CCSER1: variants seen among roughly 807,000 people sequenced by gnomAD.
CCSER1 encodes the protein serine-rich coiled-coil domain-containing protein 1.
CCSER1 carries 41 observed loss-of-function variants against 82.0 expected under a neutral mutation model. That is an observed-to-expected ratio of 0.50 (90% confidence interval 0.39 to 0.65). CCSER1 has a LOEUF of 0.65. Ranked by LOEUF, CCSER1 falls within the 30% of genes least tolerant of loss-of-function variation. The pLI is 0.00. For synonymous variants in CCSER1, 414 were observed against 383.9 expected, an observed-to-expected ratio of 1.08 and a Z score of -0.92; for missense variants, 1,119 against 1,064.2, an observed-to-expected ratio of 1.05 and a Z score of -0.72.
At position 90,366,044 on chromosome 4, in the gene CCSER1, A is replaced by G. The variant is rs576071103; in HGVS notation, c.1510-33992A>G. On this transcript the variant is annotated intron_variant, in intron 3 of 10. Transcript: ENST00000509176. ...AAAAAACATGAAGCTCAATATTTCT[A>G]TAACAGGCGTAATCAAAGTATGATT... Among the ~76,000 whole-genome samples, 16 of 151,990 alleles carry G rather than the reference A, an allele frequency of 1.1e-4. No homozygotes were observed. In the East Asian group the frequency reaches 3.1e-3, roughly 29 times the overall value.
At chr4:91,449,610 A>C (rs1484957143) in intron 10 of CCSER1, among the ~76,000 whole-genome samples, 5 of 152,210 alleles carry the variant, frequency 3.3e-5, no homozygotes, top group Non-Finnish European at 7.4e-5. Context: ...GGGCAATTGT[A>C]GGGCGGACCT....
At chr4:91,041,211 A>G (rs895397785) in intron 9 of CCSER1, among the ~76,000 whole-genome samples, 2 of 152,172 alleles carry the variant, frequency 1.3e-5, no homozygotes, top group African/African-American at 2.4e-5. Context: ...CAGTCATGAC[A>G]TAAGTCCCAG....
chr4:90,179,763 A>G (rs996937714), intron 1 of CCSER1, among the ~76,000 whole-genome samples: 5 of 151,728 alleles, frequency 3.3e-5, no homozygotes, highest in Admixed American at 6.6e-5. Context: ...TGCTTTTATT[A>G]GAAAGTATTT....
At chr4:91,246,110 G>A (rs1217458549) in intron 10 of CCSER1, among the ~76,000 whole-genome samples, 1 of 152,134 alleles carries the variant, frequency 6.6e-6, no homozygotes, top group Non-Finnish European at 1.5e-5. Context: ...CTTACCTGAA[G>A]TAGAAAAACT....
At chr4:91,526,929 T>A (rs1457748263) in intron 10 of CCSER1, among the ~76,000 whole-genome samples, 1 of 144,630 alleles carries the variant, frequency 6.9e-6, no homozygotes, top group Non-Finnish European at 1.5e-5. Context: ...GTTGTCCTAT[T>A]CTCATTTCAA....
intron 3 of CCSER1, among the ~76,000 whole-genome samples, chr4:90,352,893 T>C: frequency 6.6e-6 from 1 of 152,340 alleles, no homozygotes; most frequent in Non-Finnish European, 1.5e-5. Flanking sequence ...TTTAGCTTAC[T>C]GCTCCCCAGA....
intron 6 of CCSER1, among the ~76,000 whole-genome samples, chr4:90,722,388 T>TAA (rs1406934268): frequency 6.6e-6 from 1 of 151,846 alleles, no homozygotes; most frequent in Non-Finnish European, 1.5e-5. Context: ...TTTTTCAGCA[T>TAA]AAAGCTTCAT....
At chr4:90,616,158 A>G (rs977102666) in intron 5 of CCSER1, among the ~76,000 whole-genome samples, 1 of 152,236 alleles carries the variant, frequency 6.6e-6, no homozygotes, top group Non-Finnish European at 1.5e-5. Context: ...TATAGTATAC[A>G]CAAACTTTTA....
intron 5 of CCSER1, among the ~76,000 whole-genome samples, chr4:90,531,005 T>C (rs1434370496): frequency 6.6e-6 from 1 of 152,198 alleles, no homozygotes; most frequent in African/African-American, 2.4e-5. Context: ...TAAAAACAGA[T>C]TTGTTGAGTT....
At position 91,603,778 on chromosome 4, in the gene CCSER1, T is replaced by C. The variant is rs1764890493; in HGVS notation, c.*4721T>C. 2.0e-5 allele frequency: 3 copies of C among 152,052 alleles called. No individual in the cohort carries two copies. Among genetic ancestry groups the C allele is most frequent in the Admixed American group, 2.0e-4 (3 of 15,224 alleles). The allele number at this position is 152,052 out of a possible 1,614,324, so 9.4% of individuals were successfully genotyped here. On this transcript the variant is annotated 3_prime_UTR_variant, in exon 11 of 11. Transcript: ENST00000509176. ...AACAACAGTCACTTGTGTCTCAAGT[T>C]CTGGAGGCTAGGAAGTCTAAGATTA...
intron 10 of CCSER1, among the ~76,000 whole-genome samples, chr4:91,502,004 G>A (rs1294218655): frequency 1.3e-5 from 2 of 152,102 alleles, no homozygotes; most frequent in Non-Finnish European, 2.9e-5. Flanking sequence ...TTAGACAAAG[G>A]AAAAATAAAA....
At chr4:90,714,685 A>G (rs1741306436) in intron 6 of CCSER1, among the ~76,000 whole-genome samples, 1 of 151,916 alleles carries the variant, frequency 6.6e-6, no homozygotes, top group Non-Finnish European at 1.5e-5. Context: ...AAATATATGA[A>G]CTCCTAGAAT....
At chr4:90,202,884 A>G (rs1483280668) in intron 1 of CCSER1, among the ~76,000 whole-genome samples, 1 of 152,232 alleles carries the variant, frequency 6.6e-6, no homozygotes, top group African/African-American at 2.4e-5. Context: ...AAATTGATAA[A>G]TAGTAGACAC....
At chr4:90,483,034 T>A (rs554056081) in intron 5 of CCSER1, among the ~76,000 whole-genome samples, 4 of 152,322 alleles carry the variant, frequency 2.6e-5, no homozygotes, top group African/African-American at 9.6e-5. Flanking sequence ...ACTAAGTACT[T>A]GCTTTATGAA....
intron 10 of CCSER1, among the ~76,000 whole-genome samples, chr4:91,351,669 T>A (rs1748479603): frequency 6.6e-6 from 1 of 152,164 alleles, no homozygotes; most frequent in African/African-American, 2.4e-5. Flanking sequence ...ATGTTCTTAT[T>A]TAAAACAGTT....
chr4:91,306,120 A>T (rs1473493425), intron 10 of CCSER1, among the ~76,000 whole-genome samples: 2 of 150,274 alleles, frequency 1.3e-5, no homozygotes, highest in East Asian at 3.9e-4. Flanking sequence ...CCATAACAGA[A>T]ATTTTTTTCA....
intron 5 of CCSER1, among the ~76,000 whole-genome samples, chr4:90,502,729 A>G (rs1301237375): frequency 1.3e-5 from 2 of 152,314 alleles, no homozygotes; most frequent in South Asian, 2.1e-4. Flanking sequence ...AAATATACAT[A>G]TATGTATATA....
intron 1 of CCSER1, among the ~76,000 whole-genome samples, chr4:90,146,633 T>G (rs1725857796): frequency 6.6e-6 from 1 of 152,082 alleles, no homozygotes; most frequent in Non-Finnish European, 1.5e-5. Flanking sequence ...TTATCGAAAT[T>G]GGCTTAGTGT....
At chr4:91,015,012 A>G (rs908623019) in intron 9 of CCSER1, among the ~76,000 whole-genome samples, 2 of 130,820 alleles carry the variant, frequency 1.5e-5, no homozygotes, top group African/African-American at 5.1e-5. Context: ...ATACAATATC[A>G]ATACAAACTT....
Sources: allele counts gnomAD v4.1 joint callset (sites outside exome capture counted in the v4.1 genomes callset), GRCh38; gene constraint gnomAD v4.1.1; transcripts MANE v1.5; gene names NCBI Gene and HGNC (gene_info 2026-07-23, HGNC 2026-07-21).